FGF13: variants seen among roughly 807,000 people sequenced by gnomAD.
The protein encoded by FGF13 is fibroblast growth factor 13.
A neutral mutation model predicts 19.5 loss-of-function variants in FGF13; 2 were observed. The observed-to-expected ratio is 0.10, with a 90% CI of 0.04 to 0.32. The LOEUF is 0.32. Among genes scored for constraint, FGF13 ranks in the 10% least tolerant of loss-of-function variants. The pLI, the probability that FGF13 is intolerant of heterozygous loss-of-function variation, is 1.00. For missense variants in FGF13, 113 were observed against 192.7 expected (o/e 0.59, Z 2.45); for synonymous variants, 72 against 76.9 (o/e 0.94, Z 0.33).
At chrX:139,203,849 C>T (rs973180159), upstream of FGF13, among the ~76,000 whole-genome samples, 1 of 111,608 alleles carries the variant, frequency 9.0e-6, no homozygotes, top group Non-Finnish European at 1.9e-5. Context: ...ACTCGAGGGT[C>T]GACAATTCCG....
In FGF13 at chrX:138,628,586, G is replaced by A. The variant is rs775173466; in HGVS notation, c.*4264C>T. On this transcript the variant is annotated 3_prime_UTR_variant, in exon 5 of 5. Coordinates refer to ENST00000315930, the MANE Select transcript of FGF13 (RefSeq NM_004114.5). ...TAAATGAGGCTTCTAAGACACATTC[G>A]TATGAAATTTGTTGAAAATGGTTAT... 10 of 112,287 alleles carry A rather than the reference G, an allele frequency of 8.9e-5. 1 individual carries two copies. In the South Asian group the frequency reaches 3.4e-3, roughly 38 times the overall value. The allele number at this position is 112,287 out of a possible 1,213,427, so 9.3% of individuals were successfully genotyped here.
In FGF13 at chrX:138,621,387, A is replaced by C. The variant is rs1401987601; in HGVS notation, c.*11463T>G. Reference sequence around the variant, plus strand: ...AAGAATCAAAGAGCAAATCAAAAGAAAAATTTAAAAAACTTGAGACAAACA... The same window carrying C: ...AAGAATCAAAGAGCAAATCAAAAGACAAATTTAAAAAACTTGAGACAAACA... On this transcript the variant is annotated 3_prime_UTR_variant, in exon 5 of 5. Transcript: ENST00000315930. 9.0e-6 allele frequency: 1 copy of C among 111,617 alleles called. No homozygotes were observed. The highest frequency in any genetic ancestry group is 1.9e-5 in the Non-Finnish European group (1 of 53,093). The allele number at this position is 111,617 out of a possible 1,213,427, so 9.2% of individuals were successfully genotyped here.
At chrX:139,203,912 G>C, upstream of FGF13, 1 of 561,108 alleles carries the variant, frequency 1.8e-6, no homozygotes. Context: ...AGCGACCTCT[G>C]CCCCCCCTTT....
intron 1 of FGF13, among the ~76,000 whole-genome samples, chrX:138,922,588 C>A (rs1252365018): frequency 5.4e-5 from 6 of 111,942 alleles, no homozygotes; most frequent in African/African-American, 1.9e-4. Context: ...ATCATCTTCC[C>A]AAACTAGAGT....
rs1391984782 is a variant in FGF13 at position 138,627,591 on chromosome X, G to C, written c.*5259C>G. On this transcript the variant is annotated 3_prime_UTR_variant, in exon 5 of 5. Coordinates refer to ENST00000315930, the MANE Select transcript of FGF13 (RefSeq NM_004114.5). ...TCTTTTGGAGGCCCATCTAGTGTGT[G>C]TGTGCCTGTGTGTGTGTGTGTGTGT... 2 of 77,056 alleles carry C rather than the reference G, an allele frequency of 2.6e-5. No homozygotes were observed. Among genetic ancestry groups the C allele is most frequent in the African/African-American group, 1.0e-4 (2 of 19,352 alleles). 6.4% of individuals were successfully genotyped at this position (77,056 alleles called of 1,213,427 possible).
At chrX:138,984,499 AG>A (rs1569436003) in intron 1 of FGF13, among the ~76,000 whole-genome samples, 6 of 68,794 alleles carry the variant, frequency 8.7e-5, no homozygotes, top group South Asian at 1.7e-3. Flanking sequence ...GAGAAGGAGA[AG>A]GAGAAGAAGA....
intron 2 of FGF13, among the ~76,000 whole-genome samples, chrX:138,704,576 T>G (rs981937398): frequency 1.8e-5 from 2 of 112,275 alleles, no homozygotes; most frequent in African/African-American, 6.5e-5. Flanking sequence ...TGCATATACA[T>G]TCTGCTGCAG....
At chrX:138,930,940 T>C (rs1389572410) in intron 1 of FGF13, among the ~76,000 whole-genome samples, 1 of 112,615 alleles carries the variant, frequency 8.9e-6, no homozygotes, top group Admixed American at 9.4e-5. Context: ...TAATTGATTG[T>C]CTGTAGGAAA....
intron 1 of FGF13, among the ~76,000 whole-genome samples, chrX:138,981,356 CAT>C (rs1556319685): frequency 4.8e-5 from 5 of 104,406 alleles, no homozygotes; most frequent in Non-Finnish European, 9.9e-5. Flanking sequence ...CACACACACA[CAT>C]GCGAACACAA....
intron 1 of FGF13, among the ~76,000 whole-genome samples, chrX:138,987,772 G>T (rs1173213477): frequency 8.9e-6 from 1 of 111,803 alleles, no homozygotes; most frequent in Non-Finnish European, 1.9e-5. Context: ...CGGCTATTAT[G>T]CAGCTTTTGG....
intron 1 of FGF13, among the ~76,000 whole-genome samples, chrX:139,020,508 T>C (rs764135696): frequency 9.0e-6 from 1 of 111,048 alleles, no homozygotes; most frequent in Non-Finnish European, 1.9e-5. Flanking sequence ...CTGTCTAATC[T>C]ACTTTCCATC....
intron 1 of FGF13, among the ~76,000 whole-genome samples, chrX:139,166,670 A>C (rs1444603575): frequency 9.0e-6 from 1 of 111,017 alleles, no homozygotes; most frequent in Non-Finnish European, 1.9e-5. Flanking sequence ...GCCTAATTGG[A>C]GGTATTTAGG....
At chrX:138,707,761 A>G (rs371905467) in intron 2 of FGF13, among the ~76,000 whole-genome samples, 37 of 111,886 alleles carry the variant, frequency 3.3e-4, no homozygotes, top group African/African-American at 7.8e-4. Context: ...ATTAAAAGTG[A>G]CTTCCTCTCG....
chrX:139,175,899 G>A (rs1205351856), intron 1 of FGF13, among the ~76,000 whole-genome samples: 1 of 111,989 alleles, frequency 8.9e-6, no homozygotes, highest in Non-Finnish European at 1.9e-5. Context: ...TTGGTAGCAG[G>A]ATGATGCTGA....
At chrX:138,745,974 T>C (rs1312573555) in intron 3 of FGF13, among the ~76,000 whole-genome samples, 9 of 111,458 alleles carry the variant, frequency 8.1e-5, no homozygotes. Flanking sequence ...GCATTGAAAA[T>C]TGAACAGCTG....
intron 1 of FGF13, among the ~76,000 whole-genome samples, chrX:139,194,136 T>C (rs1470994707): frequency 1.8e-5 from 2 of 111,153 alleles, no homozygotes; most frequent in Non-Finnish European, 3.8e-5. Flanking sequence ...GTATACACAC[T>C]GAAAATGATG....
At chrX:139,085,704 G>A (rs2083399261) in intron 1 of FGF13, among the ~76,000 whole-genome samples, 1 of 111,708 alleles carries the variant, frequency 9.0e-6, no homozygotes, top group Admixed American at 9.5e-5. Context: ...TATGATAGCT[G>A]ACAAATGGTA....
intron 1 of FGF13, among the ~76,000 whole-genome samples, chrX:138,927,291 A>T (rs1291182876): frequency 8.9e-6 from 1 of 112,044 alleles, no homozygotes; most frequent in Non-Finnish European, 1.9e-5. Flanking sequence ...TCGGAGGCCC[A>T]TCCAACTGTG....
intron 3 of FGF13, among the ~76,000 whole-genome samples, chrX:138,842,312 A>G (rs2091154388): frequency 1.8e-5 from 2 of 111,676 alleles, no homozygotes; most frequent in African/African-American, 3.2e-5. Flanking sequence ...AACTCATTCA[A>G]TGACAGTGGA....
Sources: allele counts gnomAD v4.1 joint callset (sites outside exome capture counted in the v4.1 genomes callset), GRCh38; gene constraint gnomAD v4.1.1; transcripts MANE v1.5; gene names NCBI Gene and HGNC (gene_info 2026-07-23, HGNC 2026-07-21).